The following OVGP1 variants were observed in gnomAD, a reference collection of about 807,000 sequenced individuals.
OVGP1 encodes the protein oviductal glycoprotein 1, also known as oviduct-specific glycoprotein.
In OVGP1, 26 loss-of-function variants were observed where a neutral mutation model predicts 48.2. The observed-to-expected ratio is 0.54, with a 90% CI of 0.40 to 0.75. The LOEUF is 0.75. Among genes scored for constraint, OVGP1 ranks in the 30% least tolerant of loss-of-function variants. The probability of loss-of-function intolerance (pLI) is 0.00; values close to 1 mark genes in which losing one functional copy is unlikely to be tolerated. For missense variants in OVGP1, 791 were observed against 820.6 expected, an observed-to-expected ratio of 0.96 and a Z score of 0.44; for synonymous variants, 294 against 305.7, an observed-to-expected ratio of 0.96 and a Z score of 0.40.
chr1:111,414,635 C>A lies in OVGP1; in HGVS notation c.1866G>T (p.Leu622=), dbSNP rs772317312. ...GGAGCTGGATGACGGGGCTGGAGGA[C>A]AGCATCATCCTGTTTTCAGCTTCCA... The part of the protein sequence containing the change: ...LQMEAENRMM[L]SSSPVIQLPE... The change falls in exon 11 of 11, where the codon CTG becomes CTT. Residue 622 remains leucine, a synonymous_variant. Transcript: ENST00000369732. The A allele has an allele frequency of 3.7e-6, 6 of 1,614,058 alleles. No homozygotes were observed. In the African/African-American group the frequency reaches 6.7e-5, roughly 18 times the overall value.
intron 2 of OVGP1, 112 bp downstream of exon 2, chr1:111,426,950 A>C (rs1652415399): frequency 6.3e-7 from 1 of 1,587,708 alleles, no homozygotes; most frequent in Admixed American, 1.8e-5. Flanking sequence ...TTGGATCAAT[A>C]ATCCCTGTCA....
At chr1:111,420,949 T>TTA (rs1468670414) in intron 8 of OVGP1, among the ~76,000 whole-genome samples, 1 of 152,150 alleles carries the variant, frequency 6.6e-6, no homozygotes, top group Non-Finnish European at 1.5e-5. Flanking sequence ...ATGTTTGAAA[T>TTA]TATATATATT....
chr1:111,417,046 T>A (rs1652154271), intron 9 of OVGP1, among the ~76,000 whole-genome samples: 1 of 152,216 alleles, frequency 6.6e-6, no homozygotes, highest in African/African-American at 2.4e-5. Flanking sequence ...AAATGGTAAA[T>A]CTTATGTTTT....
intron 6 of OVGP1, among the ~76,000 whole-genome samples, chr1:111,422,588 G>A (rs1652297196): frequency 6.6e-6 from 1 of 152,162 alleles, no homozygotes; most frequent in South Asian, 2.1e-4. Context: ...GCTGCATAGT[G>A]TATGTCTACA....
intron 7 of OVGP1, 47 bp from the exon 8 acceptor site, chr1:111,421,508 T>A (rs1652268641): frequency 1.2e-6 from 2 of 1,608,828 alleles, no homozygotes; most frequent in Non-Finnish European, 1.7e-6. Context: ...TAAGAGCCAA[T>A]GGCCTGAGCT....
chr1:111,416,506 A>G lies in OVGP1; in HGVS notation c.1021-48T>C, dbSNP rs773743757. On this transcript the variant is annotated intron_variant, in intron 9 of 10. Coordinates refer to ENST00000369732, the MANE Select transcript of OVGP1 (RefSeq NM_002557.4). ...ACCTGCTGTACTTGTCAGTCTCTAG[A>G]CTGGGTACAATGGCAAAAAACTGAA... The G allele has an allele frequency of 2.6e-6, 4 of 1,549,376 alleles. No homozygotes were observed. The South Asian group carries it at 4.9e-5, about 19-fold the overall frequency.
intron 8 of OVGP1, among the ~76,000 whole-genome samples, chr1:111,420,066 A>G (rs1038391044): frequency 6.6e-6 from 1 of 152,232 alleles, no homozygotes; most frequent in African/African-American, 2.4e-5. Flanking sequence ...TATCTCATTC[A>G]AAGTGTTTTC....
In OVGP1 at chr1:111,414,694, T is replaced by A; in HGVS notation, c.1807A>T (p.Thr603Ser). Residue 603 changes from threonine (T) to serine (S), a missense_variant, in exon 11 of 11, where the codon ACT becomes TCT. Coordinates refer to ENST00000369732, the MANE Select transcript of OVGP1 (RefSeq NM_002557.4). ...CCCAAGTTACCCATCCTGGGGTGAG[T>A]GCCCACCTCAGAAGTCAAATTCTCC... ...RGENLTSEVG[T>S]HPRMGNLGLQ... 1 of 1,613,920 alleles carries A rather than the reference T, an allele frequency of 6.2e-7. No homozygotes were observed. Among genetic ancestry groups the A allele is most frequent in the East Asian group, 2.2e-5 (1 of 44,884 alleles).
rs376680388 is a variant in OVGP1, at chr1:111,414,419, G to A, written c.*45C>T. 2 of 1,533,222 alleles carry A rather than the reference G, an allele frequency of 1.3e-6. No individual in the cohort carries two copies. Among genetic ancestry groups the A allele is most frequent in the East Asian group, 2.3e-5 (1 of 44,190 alleles). 95.0% of individuals were successfully genotyped at this position (1,533,222 alleles called of 1,614,324 possible). On this transcript the variant is annotated 3_prime_UTR_variant, in exon 11 of 11. Coordinates refer to ENST00000369732, the MANE Select transcript of OVGP1 (RefSeq NM_002557.4). ...GAGAAGGCTTCCAACATGTCACTTA[G>A]AAGAAAAGACAAGGGTTTTCCCTGG...
intron 9 of OVGP1, among the ~76,000 whole-genome samples, chr1:111,417,392 T>C (rs1652161753): frequency 6.6e-6 from 1 of 152,228 alleles, no homozygotes; most frequent in Non-Finnish European, 1.5e-5. Flanking sequence ...CCAGGTTTTA[T>C]TATTACCTTG....
At position 111,416,430 on chromosome 1, in the gene OVGP1, C is replaced by A. The variant is rs200976846; in HGVS notation, c.1049G>T (p.Gly350Val). The change falls in exon 10 of 11, where the codon GGG becomes GTG. Residue 350 changes from glycine to valine, a missense_variant. Physicochemically the swap from Gly to Val is moderately radical, Grantham distance 109 (BLOSUM62 -3). Coordinates refer to ENST00000369732, the MANE Select transcript of OVGP1 (RefSeq NM_002557.4). ...KAWFIRREHF[G>V]GAMVWTLDMD... ...GTCCAATGTCCACACCATGGCCCCC[C>A]CAAAATGCTCTCGCCTTATAAACCA... 112 of 1,605,968 alleles carry A rather than the reference C, an allele frequency of 7.0e-5. No homozygotes were observed. The highest frequency in any genetic ancestry group is 1.6e-4 in the Middle Eastern group (1 of 6,062).
At position 111,425,443 on chromosome 1, in the gene OVGP1, T is replaced by G; in HGVS notation, c.261-4A>C. 1 of 1,614,090 alleles carries G rather than the reference T, an allele frequency of 6.2e-7. No homozygotes were observed. Among genetic ancestry groups the G allele is most frequent in the African/African-American group, 1.3e-5 (1 of 75,030 alleles). On this transcript the variant is annotated splice_polypyrimidine_tract_variant and splice_region_variant and intron_variant, in intron 3 of 10. Coordinates refer to ENST00000369732, the MANE Select transcript of OVGP1 (RefSeq NM_002557.4). ...TAGTGTTTTCAGCTCTCTGTTCCTATGATGTGAGAGAGAGGGTTGATGAGC... is the reference window on the plus strand; with the variant it reads ...TAGTGTTTTCAGCTCTCTGTTCCTAGGATGTGAGAGAGAGGGTTGATGAGC...
At position 111,421,279 on chromosome 1, in the gene OVGP1, A is replaced by G. The variant is rs1216523749; in HGVS notation, c.900T>C (p.Phe300=). The change falls in exon 8 of 11, where the codon TTT becomes TTC. Residue 300 remains phenylalanine, a synonymous_variant. Coordinates refer to ENST00000369732, the MANE Select transcript of OVGP1 (RefSeq NM_002557.4). ...CAGAGACTGATATTCCCATCACCTCAAAATAAGCCAAGAAGCCTTCTTGCT... is the reference window on the plus strand; with the variant it reads ...CAGAGACTGATATTCCCATCACCTCGAAATAAGCCAAGAAGCCTTCTTGCT... ...YTKQEGFLAY[F]EICSFVWGAK... 6.2e-7 allele frequency: 1 copy of G among 1,600,636 alleles called. No individual in the cohort carries two copies. Among genetic ancestry groups the G allele is most frequent in the Admixed American group, 1.7e-5 (1 of 57,816 alleles).
chr1:111,421,238 A>G, intron 8 of OVGP1, 38 bp downstream of exon 8: 2 of 1,539,862 alleles, frequency 1.3e-6, no homozygotes, highest in Non-Finnish European at 1.8e-6. Context: ...GGGGTGGGAG[A>G]GTCCTAACTG....
intron 4 of OVGP1, among the ~76,000 whole-genome samples, chr1:111,424,931 T>C (rs929598589): frequency 6.6e-6 from 1 of 152,240 alleles, no homozygotes; most frequent in South Asian, 2.1e-4. Context: ...ATACTGAACA[T>C]GTACTATGTC....
At chr1:111,427,486 T>C in intron 1 of OVGP1, 1 of 635,150 alleles carries the variant, frequency 1.6e-6, no homozygotes, top group Middle Eastern at 7.9e-4. Context: ...TTAAAATTTC[T>C]AATGGGCCAC....
intron 8 of OVGP1, among the ~76,000 whole-genome samples, chr1:111,420,456 A>G (rs1262286297): frequency 6.6e-6 from 1 of 152,214 alleles, no homozygotes; most frequent in African/African-American, 2.4e-5. Flanking sequence ...CGCAGAGCAG[A>G]GATTGGAGAG....
intron 4 of OVGP1, among the ~76,000 whole-genome samples, chr1:111,424,412 A>G (rs562293502): frequency 4.6e-5 from 7 of 152,364 alleles, no homozygotes; most frequent in Non-Finnish European, 1.0e-4. Flanking sequence ...TGATTAAAAA[A>G]TTAACCAGAC....
At position 111,415,062 on chromosome 1, in the gene OVGP1, G is replaced by C. The variant is rs1273340092; in HGVS notation, c.1439C>G (p.Thr480Ser). Residue 480 changes from threonine to serine, a missense_variant, in exon 11 of 11, where the codon ACT becomes AGT. Thr to Ser is a moderately conservative substitution (Grantham distance 58). Coordinates refer to ENST00000369732, the MANE Select transcript of OVGP1 (RefSeq NM_002557.4). ...KTEITGAMTM[T>S]SVGHQSMTPG... ...GGTCATGGACTGATGACCCACAGAAGTCATGGTCATTGCCCCAGTGATCTC... is the reference window on the plus strand; with the variant it reads ...GGTCATGGACTGATGACCCACAGAACTCATGGTCATTGCCCCAGTGATCTC... The C allele has an allele frequency of 1.2e-6, 2 of 1,614,174 alleles. No homozygotes were observed. Among genetic ancestry groups the C allele is most frequent in the Non-Finnish European group, 1.7e-6 (2 of 1,179,978 alleles).
Sources: allele counts gnomAD v4.1 joint callset (sites outside exome capture counted in the v4.1 genomes callset), GRCh38; gene constraint gnomAD v4.1.1; transcripts MANE v1.5; gene names NCBI Gene and HGNC (gene_info 2026-07-23, HGNC 2026-07-21).